CABIN1: variants seen among roughly 807,000 people sequenced by gnomAD.
CABIN1 encodes calcineurin binding protein 1.
CABIN1 carries 133 observed loss-of-function variants against 227.7 expected under a neutral mutation model. That is an observed-to-expected ratio of 0.58 (90% CI 0.51 to 0.67). The LOEUF (loss-of-function observed/expected upper bound fraction) is 0.67, where lower values mean the gene tolerates loss of function less well. CABIN1 is among the 30% of genes least tolerant of loss of function. The pLI, the probability that CABIN1 is intolerant of heterozygous loss-of-function variation, is 0.00. For synonymous variants in CABIN1, 1,086 were observed against 1,155.1 expected (o/e 0.94, Z 1.21); for missense variants, 2,408 against 2,852.5 (o/e 0.84, Z 3.55).
chr22:24,162,561 C>G (rs1176153695), intron 29 of CABIN1, among the ~76,000 whole-genome samples: 1 of 152,242 alleles, frequency 6.6e-6, no homozygotes, highest in African/African-American at 2.4e-5. Context: ...CTTCAGCACA[C>G]TGTTACCAGA....
chr22:24,015,201 T>A (rs5760179), intron 1 of CABIN1, among the ~76,000 whole-genome samples: 1 of 141,404 alleles, frequency 7.1e-6, no homozygotes, highest in Non-Finnish European at 1.5e-5. Context: ...GGGAGGCAGA[T>A]GTTGCAGTGA....
chr22:24,059,010 T>C (rs2039002110), intron 10 of CABIN1, among the ~76,000 whole-genome samples: 1 of 152,096 alleles, frequency 6.6e-6, no homozygotes, highest in Non-Finnish European at 1.5e-5. Flanking sequence ...CATCTGTTGA[T>C]GAGATGAATG....
chr22:24,133,323 A>G (rs1232500556), intron 28 of CABIN1, among the ~76,000 whole-genome samples: 2 of 152,262 alleles, frequency 1.3e-5, no homozygotes, highest in Admixed American at 6.5e-5. Context: ...CTTTTGCCTC[A>G]TGATGATTAG....
chr22:24,168,655 CA>C, intron 33 of CABIN1, 134 bp downstream of exon 33: 1 of 790,476 alleles, frequency 1.3e-6, no homozygotes, highest in Non-Finnish European at 2.2e-6. Context: ...GGGAGATGAG[CA>C]GGGGGCAGCT....
Position 24,177,907 on chromosome 22 carries a change from G to T in CABIN1, c.6519+90G>T. ...GGATGGGGGTGGGGGTGGCAGGAGG[G>T]CCTGGGGTGTGGGTGAGGATGGCAT... On this transcript the variant is annotated intron_variant, in intron 36 of 36. Transcript: ENST00000263119. The surrounding 1 kb of genome is among the most constrained non-coding windows in gnomAD (Gnocchi z 4.4). 6.6e-7 allele frequency: 1 copy of T among 1,505,714 alleles called. No individual in the cohort carries two copies. Among genetic ancestry groups the T allele is most frequent in the Non-Finnish European group, 9.1e-7 (1 of 1,104,174 alleles). 93.3% of individuals were successfully genotyped at this position (1,505,714 alleles called of 1,614,324 possible). A position where few individuals can be genotyped will look rare whatever the true frequency, so the allele number is the denominator to read the frequency against.
chr22:24,145,951 G>T lies in CABIN1; in HGVS notation c.4746+11536G>T, dbSNP rs531157726. Among the ~76,000 whole-genome samples, 12 of 152,354 alleles carry T rather than the reference G, an allele frequency of 7.9e-5. No homozygotes were observed. The South Asian group carries it at 1.2e-3, about 16-fold the overall frequency. ...CTGTAGACATCCCACCCTGGCTGGT[G>T]AGGAAATGGGCTGGGCTTCTGCCTC... On this transcript the variant is annotated intron_variant, in intron 29 of 36. Coordinates refer to ENST00000263119, the MANE Select transcript of CABIN1 (RefSeq NM_012295.4).
At chr22:24,053,962 T>C (rs1189799402) in intron 8 of CABIN1, among the ~76,000 whole-genome samples, 1 of 152,030 alleles carries the variant, frequency 6.6e-6, no homozygotes, top group East Asian at 1.9e-4. Context: ...GCACAGGCAT[T>C]GGCTAGGCAG....
chr22:24,095,446 G>A (rs1215829242), intron 24 of CABIN1, among the ~76,000 whole-genome samples: 1 of 136,580 alleles, frequency 7.3e-6, no homozygotes, highest in African/African-American at 2.7e-5. Context: ...CACACCCACG[G>A]GGAAGACGTT....
At chr22:24,132,985 A>G (rs1361774457) in intron 28 of CABIN1, among the ~76,000 whole-genome samples, 1 of 152,180 alleles carries the variant, frequency 6.6e-6, no homozygotes, top group Non-Finnish European at 1.5e-5. Context: ...GTTTTCTGTG[A>G]GTTTGAGCAA....
At position 24,166,814 on chromosome 22, in the gene CABIN1, T is replaced by C; in HGVS notation, c.5183T>C (p.Leu1728Pro). The C allele has an allele frequency of 6.2e-7, 1 of 1,612,970 alleles. No homozygotes were observed. The highest frequency in any genetic ancestry group is 1.6e-4 in the Middle Eastern group (1 of 6,062). The change falls in exon 32 of 37, where the codon CTC (leucine) becomes CCC (proline). Residue 1728 changes from leucine (L) to proline (P), a missense_variant. By Grantham distance (98) the Leu-to-Pro change is moderately conservative. Coordinates refer to ENST00000263119, the MANE Select transcript of CABIN1 (RefSeq NM_012295.4). ...GAGCCAGGAGGCAAAGTGGGCCTCC[T>C]CAACCACCGGCCTGTGGCCATGGAT... is the stretch of plus-strand genomic sequence containing the variant. ...GPEPGGKVGL[L>P]NHRPVAMDAG...
At chr22:24,049,672 C>T (rs2038170537) in intron 7 of CABIN1, among the ~76,000 whole-genome samples, 1 of 152,196 alleles carries the variant, frequency 6.6e-6, no homozygotes, top group Non-Finnish European at 1.5e-5. Context: ...TCTTTGCAGC[C>T]TGACCCCATA....
At chr22:24,036,059 T>C in intron 2 of CABIN1, 30 bp from the exon 3 acceptor site, 1 of 1,507,422 alleles carries the variant, frequency 6.6e-7, no homozygotes, top group Non-Finnish European at 9.2e-7. Context: ...TCAAAGCAAC[T>C]TGTCTCTTCC....
chr22:24,047,776 C>T (rs2038012552), intron 6 of CABIN1, among the ~76,000 whole-genome samples: 1 of 152,254 alleles, frequency 6.6e-6, no homozygotes, highest in African/African-American at 2.4e-5. Context: ...CTTCTCACTC[C>T]TAGGTGCTTC....
At chr22:24,170,553 C>G (rs1305912384) in intron 33 of CABIN1, among the ~76,000 whole-genome samples, 1 of 152,172 alleles carries the variant, frequency 6.6e-6, no homozygotes. Context: ...ACAGGTCTGT[C>G]CTCCTGCCCC....
intron 19 of CABIN1, among the ~76,000 whole-genome samples, chr22:24,081,358 A>T (rs1417955620): frequency 1.3e-5 from 2 of 152,048 alleles, no homozygotes; most frequent in Non-Finnish European, 2.9e-5. Flanking sequence ...GTCCAATTAG[A>T]TTTTCTCTTC....
chr22:24,089,886 T>C (rs1324597643), intron 23 of CABIN1, among the ~76,000 whole-genome samples: 2 of 152,222 alleles, frequency 1.3e-5, no homozygotes, highest in Admixed American at 1.3e-4. Flanking sequence ...AGCAGTAACC[T>C]GACATTCCTG....
chr22:24,049,740 C>T (rs1569125661), intron 7 of CABIN1, among the ~76,000 whole-genome samples: 1 of 152,200 alleles, frequency 6.6e-6, no homozygotes, highest in Non-Finnish European at 1.5e-5. Flanking sequence ...AAGACTGCCC[C>T]AAGTCCCTTG....
chr22:24,111,759 A>C (rs1299889939), intron 26 of CABIN1, among the ~76,000 whole-genome samples: 1 of 152,262 alleles, frequency 6.6e-6, no homozygotes, highest in Non-Finnish European at 1.5e-5. Context: ...GCATCATTGT[A>C]AAGTCAAAAA....
chr22:24,163,677 C>T (rs2046285451), intron 29 of CABIN1, among the ~76,000 whole-genome samples: 1 of 152,216 alleles, frequency 6.6e-6, no homozygotes, highest in African/African-American at 2.4e-5. Flanking sequence ...TCCCCACACC[C>T]TGCCTGGACC....
Sources: gnomAD v4.1 joint callset for allele counts (sites outside exome capture counted in the v4.1 genomes callset) on GRCh38, gnomAD v4.1.1 for gene constraint, Gnocchi (gnomAD v3.1) non-coding constraint, MANE v1.5 for transcripts, NCBI Gene and HGNC (gene_info 2026-07-23, HGNC 2026-07-21) for gene names.